Variants in SLC22A17 observed in about 807,000 individuals in gnomAD.
SLC22A17 encodes the protein solute carrier family 22 member 17, also known as 24p3 receptor.
In SLC22A17, 38 loss-of-function variants were observed where a neutral mutation model predicts 53.6. The ratio of observed to expected loss-of-function variants is 0.71; its 90% CI spans 0.55 to 0.93. The LOEUF is 0.93. Ranked by LOEUF, SLC22A17 falls within the 40% of genes least tolerant of loss-of-function variation. The pLI is 0.00. For synonymous variants in SLC22A17, 379 were observed against 353.0 expected (o/e 1.07, Z -0.82); for missense variants, 704 against 791.0 (o/e 0.89, Z 1.32).
rs547777898 is a variant in SLC22A17 at position 23,351,547 on chromosome 14, C to G, written c.704+205G>C. 63 of 567,058 alleles carry G rather than the reference C, an allele frequency of 1.1e-4. 2 individuals carry two copies. The South Asian group carries it at 1.4e-3, about 13-fold the overall frequency. 35.1% of individuals were successfully genotyped at this position (567,058 alleles called of 1,614,324 possible). ...GACTAATAGTCCATAGAGGTCGAGT[C>G]ATTCCCTTGCGCGGAAGAGGTAGGG... is the stretch of plus-strand genomic sequence containing the variant. On this transcript the variant is annotated intron_variant, in intron 3 of 9. Coordinates refer to ENST00000397267, the Ensembl canonical transcript of SLC22A17.
exon 10 of SLC22A17, chr14:23,346,719 G>T: frequency 6.5e-7 from 1 of 1,545,588 alleles, no homozygotes. Context: ...TGCCGCAGCA[G>T]GGAAGGCCGG....
At chr14:23,349,518 G>A (rs1442142668) in intron 3 of SLC22A17, 92 bp from the exon 4 acceptor site, 15 of 1,408,790 alleles carry the variant, frequency 1.1e-5, no homozygotes, top group African/African-American at 1.4e-5. Flanking sequence ...AGAGCTAGAG[G>A]TATGAGAATG....
rs777186136 is a variant in SLC22A17 at position 23,348,621 on chromosome 14, C to T, written c.910G>A (p.Glu304Lys). Reference sequence around the variant, plus strand: ...AAGTGCCCTCCCACCCCCACCAACTCCCCTGCCAGGGCCACCCGAAGCCTC... The same window carrying T: ...AAGTGCCCTCCCACCCCCACCAACTTCCCTGCCAGGGCCACCCGAAGCCTC... Residue 304 changes from glutamate to lysine, a missense_variant, in exon 5 of 10, where the codon GAG becomes AAG. Coordinates refer to ENST00000397267, the Ensembl canonical transcript of SLC22A17. This position sits in a 1 kb window ranked among gnomAD's most constrained non-coding sequence, Gnocchi z 4.5. The T allele has an allele frequency of 3.1e-6, 5 of 1,613,968 alleles. No homozygotes were observed. The highest frequency in any genetic ancestry group is 4.2e-6 in the Non-Finnish European group (5 of 1,179,928).
Position 23,348,060 on chromosome 14 carries a change from G to A in SLC22A17, c.1172-64C>T. 1 of 1,608,678 alleles carries A rather than the reference G, an allele frequency of 6.2e-7. No individual in the cohort carries two copies. ...GAGATCCCAGGATCCTCCCACATGG[G>A]TGGTGGGGACCCTGGGAGAAGGTGG... On this transcript the variant is annotated intron_variant, in intron 6 of 9. Coordinates refer to ENST00000397267, the Ensembl canonical transcript of SLC22A17. This position sits in a 1 kb window ranked among gnomAD's most constrained non-coding sequence, Gnocchi z 4.5.
chr14:23,350,009 C>T (rs1188216034), intron 3 of SLC22A17, among the ~76,000 whole-genome samples: 1 of 152,122 alleles, frequency 6.6e-6, no homozygotes, highest in Non-Finnish European at 1.5e-5. Flanking sequence ...TCTATTAATA[C>T]ATTAAGAATG....
chr14:23,347,385 G>C lies in SLC22A17; in HGVS notation c.1549+75C>G. ...CTGTGGGGCCAGGTGGAGGCTCGTGGAAGAGCTGGGCAGGGTCTGGGGCTT... is the reference window on the plus strand; with the variant it reads ...CTGTGGGGCCAGGTGGAGGCTCGTGCAAGAGCTGGGCAGGGTCTGGGGCTT... On this transcript the variant is annotated intron_variant, in intron 8 of 9. Coordinates refer to ENST00000397267, the Ensembl canonical transcript of SLC22A17. This position sits in a 1 kb window ranked among gnomAD's most constrained non-coding sequence, Gnocchi z 5.1. The C allele has an allele frequency of 6.4e-7, 1 of 1,558,638 alleles. No homozygotes were observed. Among genetic ancestry groups the C allele is most frequent in the Non-Finnish European group, 8.7e-7 (1 of 1,150,878 alleles).
chr14:23,349,351 G>A lies in SLC22A17; in HGVS notation c.780C>T (p.Gly260=), dbSNP rs748045382. The A allele has an allele frequency of 7.4e-6, 12 of 1,613,866 alleles. No individual in the cohort carries two copies. In the Admixed American group the frequency reaches 2.0e-4, roughly 27 times the overall value. ...GGAGGGCCATGACGCCTGTGGAGGA[G>A]CCTGCAGCAGCCCCTCCTACTCCAC... Residue 260 remains glycine (G), a synonymous_variant, in exon 4 of 10, where the codon GGC becomes GGT. Transcript: ENST00000397267.
In SLC22A17 at chr14:23,348,682, A is replaced by G; in HGVS notation, c.860-11T>C. On this transcript the variant is annotated splice_polypyrimidine_tract_variant and intron_variant, in intron 4 of 9. Coordinates refer to ENST00000397267, the Ensembl canonical transcript of SLC22A17. The surrounding 1 kb of genome is among the most constrained non-coding windows in gnomAD (Gnocchi z 4.5). ...CGCACAGCTCCAGGCCTGGAGATAC[A>G]GCAGGGGTGGAGAGAGGAGAGGGAG... The G allele has an allele frequency of 6.2e-7, 1 of 1,604,260 alleles. No homozygotes were observed. The highest frequency in any genetic ancestry group is 2.2e-5 in the East Asian group (1 of 44,790).
In SLC22A17 at chr14:23,348,495, G is replaced by GT. The variant is rs751378263; in HGVS notation, c.1025+10dup. The GT allele has an allele frequency of 2.2e-5, 35 of 1,612,784 alleles. No individual in the cohort carries two copies. The highest frequency in any genetic ancestry group is 2.8e-5 in the Non-Finnish European group (33 of 1,179,318). Reference sequence around the variant, plus strand: ...GGAATTGCCAGACGACAGGTGAAGGGTAATACTGACCCATAAAACAGGAAG... The same window carrying GT: ...GGAATTGCCAGACGACAGGTGAAGGGTTAATACTGACCCATAAAACAGGAAG... On this transcript the variant is annotated intron_variant, in intron 5 of 9. Transcript: ENST00000397267. This position sits in a 1 kb window ranked among gnomAD's most constrained non-coding sequence, Gnocchi z 4.5.
rs868177448 is a variant in SLC22A17, at chr14:23,352,186, G to A, written c.362C>T (p.Ala121Val). 1.3e-6 allele frequency: 2 copies of A among 1,517,464 alleles called. No homozygotes were observed. Among genetic ancestry groups the A allele is most frequent in the African/African-American group, 1.4e-5 (1 of 71,328 alleles). The allele number at this position is 1,517,464 out of a possible 1,614,324, so 94.0% of individuals were successfully genotyped here. A position where few individuals can be genotyped will look rare whatever the true frequency, so the allele number is the denominator to read the frequency against. Residue 121 changes from alanine to valine, a missense_variant, in exon 2 of 10, where the codon GCG (alanine) becomes GTG (valine). Coordinates refer to ENST00000397267, the Ensembl canonical transcript of SLC22A17. The surrounding 1 kb of genome is among the most constrained non-coding windows in gnomAD (Gnocchi z 7.2). ...CCCGTAGTGGCAATGCAGCGGGGGCGCCAGCGTGAAGATGGGGTCCGAGGC... is the reference window on the plus strand; with the variant it reads ...CCCGTAGTGGCAATGCAGCGGGGGCACCAGCGTGAAGATGGGGTCCGAGGC...
At position 23,347,720 on chromosome 14, in the gene SLC22A17, T is replaced by G. The variant is rs1349423033; in HGVS notation, c.1289A>C (p.His430Pro). 6.2e-7 allele frequency: 1 copy of G among 1,613,580 alleles called. No homozygotes were observed. Among genetic ancestry groups the G allele is most frequent in the Non-Finnish European group, 8.5e-7 (1 of 1,179,814 alleles). The change falls in exon 8 of 10, where the codon CAT becomes CCT. Residue 430 changes from histidine (H) to proline (P), a missense_variant. This residue lies in a region of SLC22A17 where 435 missense variants were observed against 529.0 expected (regional missense o/e 0.82). Transcript: ENST00000397267. The surrounding 1 kb of genome is among the most constrained non-coding windows in gnomAD (Gnocchi z 5.1). ...AGGCTGGTAGCAGTGGCGAATGGCATGGGCAATGAAGCTGTGAGAAGGGGT... is the reference window on the plus strand; with the variant it reads ...AGGCTGGTAGCAGTGGCGAATGGCAGGGGCAATGAAGCTGTGAGAAGGGGT...
At chr14:23,346,716 G>T in exon 10 of SLC22A17, 1 of 1,545,480 alleles carries the variant, frequency 6.5e-7, no homozygotes, top group Non-Finnish European at 8.7e-7. Flanking sequence ...GGCTGCCGCA[G>T]CAGGGAAGGC....
At position 23,348,689 on chromosome 14, in the gene SLC22A17, G is replaced by A. The variant is rs749863175; in HGVS notation, c.860-18C>T. ...CTCCAGGCCTGGAGATACAGCAGGG[G>A]TGGAGAGAGGAGAGGGAGGCCAGGG... On this transcript the variant is annotated intron_variant, in intron 4 of 9. Transcript: ENST00000397267. The surrounding 1 kb of genome is among the most constrained non-coding windows in gnomAD (Gnocchi z 4.5). 1.9e-6 allele frequency: 3 copies of A among 1,593,854 alleles called. No homozygotes were observed. The highest frequency in any genetic ancestry group is 2.7e-5 in the African/African-American group (2 of 74,034).
In SLC22A17 at chr14:23,348,696, G is replaced by T. The variant is rs758052234; in HGVS notation, c.860-25C>A. 2.6e-5 allele frequency: 41 copies of T among 1,583,438 alleles called. No homozygotes were observed. Among genetic ancestry groups the T allele is most frequent in the Non-Finnish European group, 3.4e-5 (40 of 1,165,948 alleles). ...CCTGGAGATACAGCAGGGGTGGAGA[G>T]AGGAGAGGGAGGCCAGGGAGGAAGA... On this transcript the variant is annotated intron_variant, in intron 4 of 9. Transcript: ENST00000397267. The surrounding 1 kb of genome is among the most constrained non-coding windows in gnomAD (Gnocchi z 4.5).
chr14:23,348,982 G>T lies in SLC22A17; in HGVS notation c.859+290C>A. On this transcript the variant is annotated intron_variant, in intron 4 of 9. Coordinates refer to ENST00000397267, the Ensembl canonical transcript of SLC22A17. The surrounding 1 kb of genome is among the most constrained non-coding windows in gnomAD (Gnocchi z 4.5). ...ACCTTCACATCAACCCTTGTCCAAGGTCACACAGCTAGGGACAATCCTTGT... is the reference window on the plus strand; with the variant it reads ...ACCTTCACATCAACCCTTGTCCAAGTTCACACAGCTAGGGACAATCCTTGT... 1 of 591,516 alleles carries T rather than the reference G, an allele frequency of 1.7e-6. No homozygotes were observed. The highest frequency in any genetic ancestry group is 2.8e-5 in the East Asian group (1 of 35,292). 36.6% of individuals were successfully genotyped at this position (591,516 alleles called of 1,614,324 possible). A position where few individuals can be genotyped will look rare whatever the true frequency, so the allele number is the denominator to read the frequency against.
chr14:23,352,283 C>T lies in SLC22A17; in HGVS notation c.265G>A (p.Ala89Thr). 7.1e-7 allele frequency: 1 copy of T among 1,406,774 alleles called. No homozygotes were observed. Among genetic ancestry groups the T allele is most frequent in the South Asian group, 1.6e-5 (1 of 64,386 alleles). The allele number at this position is 1,406,774 out of a possible 1,614,324, so 87.1% of individuals were successfully genotyped here. A position where few individuals can be genotyped will look rare whatever the true frequency, so the allele number is the denominator to read the frequency against. Residue 89 changes from alanine to threonine, a missense_variant, in exon 2 of 10, where the codon GCG becomes ACG. Transcript: ENST00000397267. This position sits in a 1 kb window ranked among gnomAD's most constrained non-coding sequence, Gnocchi z 7.2. ...TGCAGCTGCTGGCCGCCGCCCAGCG[C>T]CCCCACCTGGGCGAGCAGCGCCTCA...
chr14:23,349,491 A>G (rs1053104386), intron 3 of SLC22A17, 65 bp from the exon 4 acceptor site: 3 of 1,528,686 alleles, frequency 2.0e-6, no homozygotes, highest in South Asian at 1.2e-5. Context: ...GCTGGGTAAG[A>G]CCCAGCTGCA....
At position 23,347,421 on chromosome 14, in the gene SLC22A17, G is replaced by A. The variant is rs953021558; in HGVS notation, c.1549+39C>T. 2 of 1,599,656 alleles carry A rather than the reference G, an allele frequency of 1.3e-6. No homozygotes were observed. The highest frequency in any genetic ancestry group is 1.7e-6 in the Non-Finnish European group (2 of 1,172,282). On this transcript the variant is annotated intron_variant, in intron 8 of 9. Transcript: ENST00000397267. This position sits in a 1 kb window ranked among gnomAD's most constrained non-coding sequence, Gnocchi z 5.1. ...CAGGGTCTGGGGCTTGTCTTGGGAG[G>A]CCTGTGCCAGAAGAAATGGCTGTGC...
Position 23,347,764 on chromosome 14 carries a change from G to C in SLC22A17, c.1278-33C>G. 6.2e-7 allele frequency: 1 copy of C among 1,610,880 alleles called. No homozygotes were observed. ...AAGGGGTGGGGAAGCAACGAACAGA[G>C]CCTGAATCCCCTCCCGCAGCCTTCT... On this transcript the variant is annotated intron_variant, in intron 7 of 9. Coordinates refer to ENST00000397267, the Ensembl canonical transcript of SLC22A17. The surrounding 1 kb of genome is among the most constrained non-coding windows in gnomAD (Gnocchi z 5.1).
Sources: gnomAD v4.1 joint callset for allele counts (sites outside exome capture counted in the v4.1 genomes callset) on GRCh38, gnomAD v4.1.1 for gene constraint, gnomAD v4.1.1 regional missense constraint, Gnocchi (gnomAD v3.1) non-coding constraint, MANE v1.5 for transcripts, NCBI Gene and HGNC (gene_info 2026-07-23, HGNC 2026-07-21) for gene names.